Variants in DIP2C observed in about 807,000 individuals in gnomAD.
The protein encoded by DIP2C is disco-interacting protein 2 homolog C.
DIP2C carries 33 observed loss-of-function variants against 192.4 expected under a neutral mutation model. The ratio of observed to expected loss-of-function variants is 0.17; its 90% CI spans 0.13 to 0.23. The LOEUF is 0.23. Ranked by LOEUF, DIP2C falls within the 10% of genes least tolerant of loss-of-function variation. The pLI is 1.00. For synonymous variants in DIP2C, 979 were observed against 864.1 expected, an observed-to-expected ratio of 1.13 and a Z score of -2.33; for missense variants, 1,537 against 2,110.1, an observed-to-expected ratio of 0.73 and a Z score of 5.32.
chr10:619,567 T>G (rs1420696499), intron 1 of DIP2C, among the ~76,000 whole-genome samples: 2 of 20,764 alleles, frequency 9.6e-5, no homozygotes, highest in Non-Finnish European at 2.2e-4. Context: ...CCTCACGCAC[T>G]CCCGTGCGAG....
intron 1 of DIP2C, among the ~76,000 whole-genome samples, chr10:522,005 C>G: frequency 6.6e-6 from 1 of 152,056 alleles, no homozygotes. Flanking sequence ...GTTTCACAGA[C>G]GTGGAACAGC....
At chr10:616,405 G>GAAAAT (rs1853474389) in intron 1 of DIP2C, among the ~76,000 whole-genome samples, 4 of 152,204 alleles carry the variant, frequency 2.6e-5, no homozygotes, top group African/African-American at 9.7e-5. Context: ...AAATTAATTT[G>GAAAAT]CTTTGTTCAT....
chr10:310,994 C>G (rs1391757823), intron 31 of DIP2C, among the ~76,000 whole-genome samples: 2 of 151,378 alleles, frequency 1.3e-5, no homozygotes, highest in Non-Finnish European at 2.9e-5. Context: ...GTACTAAAGG[C>G]ACAAAATTTT....
In DIP2C at chr10:424,706, A is replaced by G. The variant is rs116835167; in HGVS notation, c.395-1673T>C. On this transcript the variant is annotated intron_variant, in intron 4 of 36. Transcript: ENST00000280886. ...AAACTTACACAATTTCTATAAAAGT[A>G]AAATTGACACAGCCTTGAGACTTTT... 6.0e-3 allele frequency among the ~76,000 whole-genome samples: 908 copies of G among 152,306 alleles called. 3 individuals are homozygous for G. The highest frequency in any genetic ancestry group is 0.014 in the East Asian group (70 of 5,180).
intron 3 of DIP2C, among the ~76,000 whole-genome samples, chr10:458,636 G>A (rs144905061): frequency 1.2e-4 from 18 of 147,074 alleles, no homozygotes; most frequent in Non-Finnish European, 2.5e-4. Flanking sequence ...CAGAGTGCTC[G>A]GAACCCCGTG....
At chr10:341,757 T>TA (rs1456258233) in intron 28 of DIP2C, among the ~76,000 whole-genome samples, 1 of 152,274 alleles carries the variant, frequency 6.6e-6, no homozygotes, top group East Asian at 1.9e-4. Flanking sequence ...CTCATACCTG[T>TA]AATCAAAACA....
intron 1 of DIP2C, among the ~76,000 whole-genome samples, chr10:584,287 C>T (rs1850852101): frequency 6.6e-6 from 1 of 152,226 alleles, no homozygotes; most frequent in African/African-American, 2.4e-5. Context: ...GCCATCATGT[C>T]CTGTTGAAAT....
At chr10:539,783 T>C (rs906475221) in intron 1 of DIP2C, among the ~76,000 whole-genome samples, 2 of 152,252 alleles carry the variant, frequency 1.3e-5, no homozygotes, top group African/African-American at 4.8e-5. Flanking sequence ...ACACTCATAC[T>C]GTAAGCTGCT....
chr10:351,224 G>T (rs1035258348), intron 24 of DIP2C, among the ~76,000 whole-genome samples: 1 of 152,226 alleles, frequency 6.6e-6, no homozygotes, highest in African/African-American at 2.4e-5. Flanking sequence ...CATCGGCGAT[G>T]CTGGGAAAAG....
chr10:630,246 ATAAT>A (rs1463188053), intron 1 of DIP2C: 1 of 152,252 alleles, frequency 6.6e-6, no homozygotes, highest in Non-Finnish European at 1.5e-5. Flanking sequence ...TTTGGTTTAA[ATAAT>A]TAAAGATCCT....
At chr10:480,430 G>C (rs1053059878) in intron 2 of DIP2C, among the ~76,000 whole-genome samples, 6 of 151,844 alleles carry the variant, frequency 4.0e-5, no homozygotes, top group African/African-American at 1.5e-4. Flanking sequence ...CACTGGATGA[G>C]TCTCACCCGC....
At chr10:657,885 G>A (rs1856481907) in intron 1 of DIP2C, among the ~76,000 whole-genome samples, 1 of 151,986 alleles carries the variant, frequency 6.6e-6, no homozygotes, top group Non-Finnish European at 1.5e-5. Context: ...CCCTGGACCT[G>A]CCCCTGGACC....
At chr10:555,074 C>G (rs935927271) in intron 1 of DIP2C, among the ~76,000 whole-genome samples, 1 of 151,986 alleles carries the variant, frequency 6.6e-6, no homozygotes, top group African/African-American at 2.4e-5. Flanking sequence ...TTTATCACAA[C>G]TAATTCTAAT....
chr10:621,513 C>G (rs1053387045), intron 1 of DIP2C, among the ~76,000 whole-genome samples: 2 of 152,232 alleles, frequency 1.3e-5, no homozygotes, highest in African/African-American at 4.8e-5. Flanking sequence ...CAGGGGTGCA[C>G]ACACACTCTG....
In DIP2C at chr10:345,032, C is replaced by A; in HGVS notation, c.3310G>T (p.Asp1104Tyr). 6.2e-7 allele frequency: 1 copy of A among 1,613,520 alleles called. No individual in the cohort carries two copies. Among genetic ancestry groups the A allele is most frequent in the Non-Finnish European group, 8.5e-7 (1 of 1,179,926 alleles). ...AGGATGAGGGGCCACGTCCTGACGT[C>A]CACAGCCGCCGCCGCCTCCCTGGAC... Reference protein sequence around the residue: ...LRSREAAAAVDVRTWPLILDT... With the variant: ...LRSREAAAAVYVRTWPLILDT... Residue 1104 changes from aspartate to tyrosine, a missense_variant, in exon 27 of 37, where the codon GAC becomes TAC. Transcript: ENST00000280886.
chr10:446,306 G>C (rs138184396), intron 3 of DIP2C, among the ~76,000 whole-genome samples: 5 of 151,364 alleles, frequency 3.3e-5, no homozygotes, highest in Admixed American at 6.6e-5. Context: ...CATCTGTTGC[G>C]AAGAGTCTAT....
At chr10:474,555 C>G (rs936324943) in intron 2 of DIP2C, among the ~76,000 whole-genome samples, 1 of 63,470 alleles carries the variant, frequency 1.6e-5, no homozygotes, top group African/African-American at 3.3e-5. Flanking sequence ...CCTTTCTTCC[C>G]GCTGGCTGTG....
intron 1 of DIP2C, among the ~76,000 whole-genome samples, chr10:683,539 C>T (rs980709851): frequency 1.3e-5 from 2 of 152,128 alleles, no homozygotes; most frequent in South Asian, 4.1e-4. Context: ...GGTCAGAAAC[C>T]GACCACGTCA....
intron 1 of DIP2C, among the ~76,000 whole-genome samples, chr10:674,771 AATAT>A (rs375454744): frequency 3.6e-5 from 1 of 27,702 alleles, no homozygotes; most frequent in African/African-American, 1.7e-4. Flanking sequence ...CTCCATCTCA[AATAT>A]ATATATATAT....
Sources: gnomAD v4.1 joint callset for allele counts (sites outside exome capture counted in the v4.1 genomes callset) on GRCh38, gnomAD v4.1.1 for gene constraint, MANE v1.5 for transcripts, NCBI Gene and HGNC (gene_info 2026-07-23, HGNC 2026-07-21) for gene names.